Variants in SEC62 observed in about 807,000 individuals in gnomAD.
SEC62 encodes the protein SEC62 preprotein translocation factor.
SEC62 carries 10 observed loss-of-function variants against 47.5 expected under a neutral mutation model. The observed-to-expected ratio is 0.21, with a 90% confidence interval of 0.13 to 0.36. SEC62 has a LOEUF of 0.36. Among genes scored for constraint, SEC62 ranks in the 10% least tolerant of loss-of-function variants. The probability of loss-of-function intolerance (pLI) is 1.00; values close to 1 mark genes in which losing one functional copy is unlikely to be tolerated. For missense variants in SEC62, 327 were observed against 464.1 expected (o/e 0.70, Z 2.71); for synonymous variants, 136 against 150.5 (o/e 0.90, Z 0.71).
chr3:169,981,002 G>A (rs975418149), intron 3 of SEC62, among the ~76,000 whole-genome samples: 2 of 151,934 alleles, frequency 1.3e-5, no homozygotes, highest in African/African-American at 4.8e-5. Flanking sequence ...GATTTTTTTT[G>A]TAAGACATTC....
chr3:169,986,044 G>C (rs561209391), intron 6 of SEC62, among the ~76,000 whole-genome samples, 179 bp downstream of exon 6: 1 of 152,182 alleles, frequency 6.6e-6, no homozygotes, highest in African/African-American at 2.4e-5. Context: ...ACATATTAAA[G>C]ATCTTTTAAG....
Position 169,996,284 on chromosome 3 carries a change from G to T in SEC62, c.*3221G>T, listed in dbSNP as rs2108291677. 6.5e-6 allele frequency: 1 copy of T among 152,732 alleles called. No individual in the cohort carries two copies. The highest frequency in any genetic ancestry group is 3.4e-3 in the Middle Eastern group (1 of 294). 9.5% of individuals were successfully genotyped at this position (152,732 alleles called of 1,614,324 possible). A position where few individuals can be genotyped will look rare whatever the true frequency, so the allele number is the denominator to read the frequency against. On this transcript the variant is annotated 3_prime_UTR_variant, in exon 8 of 8. Coordinates refer to ENST00000337002, the MANE Select transcript of SEC62 (RefSeq NM_003262.4). Reference sequence around the variant, plus strand: ...CTGAATCATGCTCCAGTATTTGAGTGATGTTTTAAATATCCTATGTCTGAA... The same window carrying T: ...CTGAATCATGCTCCAGTATTTGAGTTATGTTTTAAATATCCTATGTCTGAA...
rs750849847 is a variant in SEC62 at position 169,995,295 on chromosome 3, A to C, written c.*2232A>C. ...GTAGAGGGTATCAATTGGCCTAACT[A>C]AGCAGGATTGAATTTACCAGAGGCT... is the stretch of plus-strand genomic sequence containing the variant. On this transcript the variant is annotated 3_prime_UTR_variant, in exon 8 of 8. Coordinates refer to ENST00000337002, the MANE Select transcript of SEC62 (RefSeq NM_003262.4). 7.2e-5 allele frequency: 11 copies of C among 152,176 alleles called. No homozygotes were observed. The highest frequency in any genetic ancestry group is 2.6e-4 in the Admixed American group (4 of 15,276). 9.4% of individuals were successfully genotyped at this position (152,176 alleles called of 1,614,324 possible).
chr3:169,984,130 C>CTA (rs1576861688), intron 5 of SEC62, among the ~76,000 whole-genome samples: 2 of 152,112 alleles, frequency 1.3e-5, no homozygotes, highest in South Asian at 4.1e-4. Flanking sequence ...ATAGTAACAT[C>CTA]TATAAAGTCA....
In SEC62 at chr3:169,971,130, A is replaced by T. The variant is rs141988831; in HGVS notation, c.36+4272A>T. On this transcript the variant is annotated intron_variant, in intron 1 of 7. Coordinates refer to ENST00000337002, the MANE Select transcript of SEC62 (RefSeq NM_003262.4). ...GTGGTGCCCAGGCTGGAATGCAGTG[A>T]TGGCATCATAGCTCACTAGAGACTC... Among the ~76,000 whole-genome samples, 14 of 150,244 alleles carry T rather than the reference A, an allele frequency of 9.3e-5. No homozygotes were observed. In the East Asian group the frequency reaches 2.4e-3, roughly 25 times the overall value.
At chr3:169,989,074 T>C (rs1013368731) in intron 7 of SEC62, among the ~76,000 whole-genome samples, 2 of 151,544 alleles carry the variant, frequency 1.3e-5, no homozygotes, top group African/African-American at 4.8e-5. Flanking sequence ...TTTTCCGCAT[T>C]TCTGGATGAT....
chr3:169,978,794 A>G (rs1368331785), intron 3 of SEC62, among the ~76,000 whole-genome samples: 6 of 152,300 alleles, frequency 3.9e-5, no homozygotes, highest in South Asian at 2.1e-4. Context: ...CATGTTGTGT[A>G]AAAATTAAGA....
chr3:169,993,107 A>G lies in SEC62; in HGVS notation c.*44A>G, dbSNP rs1715287322. The G allele has an allele frequency of 3.6e-6, 5 of 1,404,548 alleles. No individual in the cohort carries two copies. Among genetic ancestry groups the G allele is most frequent in the Non-Finnish European group, 4.8e-6 (5 of 1,044,244 alleles). 87.0% of individuals were successfully genotyped at this position (1,404,548 alleles called of 1,614,324 possible). A position where few individuals can be genotyped will look rare whatever the true frequency, so the allele number is the denominator to read the frequency against. ...TGAATGAATAAGTACAAGAGGTTGG[A>G]TTTTCTATGTTGGCTGATTACCATA... On this transcript the variant is annotated 3_prime_UTR_variant, in exon 8 of 8. Transcript: ENST00000337002.
rs2108289414 is a variant in SEC62, at chr3:169,992,277, A to G, written c.731-317A>G. ...GTGACATTATTGCATTGTGACCTCA[A>G]GTTCAGAGCAACATTCTGTGCCCCT... On this transcript the variant is annotated intron_variant, in intron 7 of 7. Transcript: ENST00000337002. The surrounding 1 kb of genome is among the most constrained non-coding windows in gnomAD (Gnocchi z 4.0). Among the ~76,000 whole-genome samples the G allele has an allele frequency of 6.6e-6, 1 of 152,300 alleles. No homozygotes were observed. Among genetic ancestry groups the G allele is most frequent in the Non-Finnish European group, 1.5e-5 (1 of 68,034 alleles).
chr3:169,994,756 T>A lies in SEC62; in HGVS notation c.*1693T>A, dbSNP rs760401121. The A allele has an allele frequency of 6.6e-6, 1 of 152,128 alleles. No individual in the cohort carries two copies. Among genetic ancestry groups the A allele is most frequent in the Non-Finnish European group, 1.5e-5 (1 of 67,984 alleles). The allele number at this position is 152,128 out of a possible 1,614,324, so 9.4% of individuals were successfully genotyped here. Reference sequence around the variant, plus strand: ...CCTATTTTGGGGTATAAACATGGTGTTTTTCAGAAATAAAAATTATTTCAT... The same window carrying A: ...CCTATTTTGGGGTATAAACATGGTGATTTTCAGAAATAAAAATTATTTCAT... On this transcript the variant is annotated 3_prime_UTR_variant, in exon 8 of 8. Transcript: ENST00000337002.
intron 7 of SEC62, among the ~76,000 whole-genome samples, chr3:169,990,622 T>C (rs1229823001): frequency 6.6e-6 from 1 of 152,204 alleles, no homozygotes; most frequent in Non-Finnish European, 1.5e-5. Flanking sequence ...CTTACAATCC[T>C]GTAAAACCTA....
At chr3:169,977,964 G>A (rs1196083197) in intron 3 of SEC62, among the ~76,000 whole-genome samples, 1 of 152,126 alleles carries the variant, frequency 6.6e-6, no homozygotes, top group African/African-American at 2.4e-5. Flanking sequence ...AAGACTAGAG[G>A]TTACTAACAG....
chr3:169,991,258 A>G (rs1265154325), intron 7 of SEC62, among the ~76,000 whole-genome samples: 1 of 152,134 alleles, frequency 6.6e-6, no homozygotes, highest in East Asian at 1.9e-4. Flanking sequence ...TAGTTTACCT[A>G]ACTAATAAAA....
In SEC62 at chr3:169,971,563, C is replaced by T. The variant is rs116281071; in HGVS notation, c.37-4045C>T. 3.8e-3 allele frequency among the ~76,000 whole-genome samples: 575 copies of T among 152,206 alleles called. 1 individual carries two copies. The highest frequency in any genetic ancestry group is 6.4e-3 in the Non-Finnish European group (433 of 68,012). ...CTAGTTGGGAGAGATTATCCAAGTC[C>T]GTGTTTTCTGGTCTCTTCCTTTCAT... On this transcript the variant is annotated intron_variant, in intron 1 of 7. Transcript: ENST00000337002.
chr3:169,967,642 C>G (rs371950878), intron 1 of SEC62, among the ~76,000 whole-genome samples: 4 of 152,140 alleles, frequency 2.6e-5, no homozygotes, highest in East Asian at 1.9e-4. Context: ...TTCTTCCTTG[C>G]GATTTTCCCT....
chr3:169,986,308 G>A (rs923640576), intron 6 of SEC62, among the ~76,000 whole-genome samples: 14 of 152,182 alleles, frequency 9.2e-5, no homozygotes, highest in Non-Finnish European at 1.9e-4. Context: ...TGTCTGCAGT[G>A]ACCCAGCAAT....
chr3:169,984,119 A>G (rs1715043821), intron 5 of SEC62, among the ~76,000 whole-genome samples: 1 of 152,208 alleles, frequency 6.6e-6, no homozygotes, highest in South Asian at 2.1e-4. Flanking sequence ...ATACCTATAC[A>G]ATAGTAACAT....
intron 7 of SEC62, among the ~76,000 whole-genome samples, chr3:169,990,024 TATATATCATATA>T (rs1329879909): frequency 4.8e-5 from 7 of 146,348 alleles, no homozygotes; most frequent in South Asian, 2.1e-4. Flanking sequence ...TTATATATCA[TATATATCATATA>T]ATATATATCA....
Position 169,994,228 on chromosome 3 carries a change from T to C in SEC62, c.*1165T>C. The C allele has an allele frequency of 6.6e-6, 1 of 152,650 alleles. No individual in the cohort carries two copies. Among genetic ancestry groups the C allele is most frequent in the East Asian group, 1.9e-4 (1 of 5,200 alleles). 9.5% of individuals were successfully genotyped at this position (152,650 alleles called of 1,614,324 possible). Reference sequence around the variant, plus strand: ...TTGAACTAGTTTTGCAGTTTGACTTTACGTCTTATACATCTTAGTTACAAG... The same window carrying C: ...TTGAACTAGTTTTGCAGTTTGACTTCACGTCTTATACATCTTAGTTACAAG... On this transcript the variant is annotated 3_prime_UTR_variant, in exon 8 of 8. Coordinates refer to ENST00000337002, the MANE Select transcript of SEC62 (RefSeq NM_003262.4).
Sources: allele counts gnomAD v4.1 joint callset (sites outside exome capture counted in the v4.1 genomes callset), GRCh38; gene constraint gnomAD v4.1.1; non-coding constraint Gnocchi (gnomAD v3.1); transcripts MANE v1.5; gene names NCBI Gene and HGNC (gene_info 2026-07-23, HGNC 2026-07-21).